The following UBE2E1 variants were observed in gnomAD, a reference collection of about 807,000 sequenced individuals.
UBE2E1 encodes the protein ubiquitin-conjugating enzyme E2 E1.
In UBE2E1, 6 loss-of-function variants were observed where a neutral mutation model predicts 21.4. That is an observed-to-expected ratio of 0.28 (90% CI 0.15 to 0.55). UBE2E1 has a LOEUF of 0.55. Ranked by LOEUF, UBE2E1 falls within the 20% of genes least tolerant of loss-of-function variation. The pLI, the probability that UBE2E1 is intolerant of heterozygous loss-of-function variation, is 0.93. For synonymous variants in UBE2E1, 87 were observed against 82.7 expected, an observed-to-expected ratio of 1.05 and a Z score of -0.28; for missense variants, 142 against 236.5, an observed-to-expected ratio of 0.60 and a Z score of 2.62.
Position 23,889,081 on chromosome 3 carries a change from TTAAA to T in UBE2E1, c.337-28_337-25del, listed in dbSNP as rs757885676. On this transcript the variant is annotated intron_variant, in intron 4 of 5. Coordinates refer to ENST00000306627, the MANE Select transcript of UBE2E1 (RefSeq NM_003341.5). ...ATTTAGTAACAAGTTTGTTTGCTGT[TTAAA>T]TATTGTCTGTCACTTGTTTTTTTTA... The T allele has an allele frequency of 5.1e-6, 8 of 1,573,514 alleles. No individual in the cohort carries two copies. In the South Asian group the frequency reaches 5.9e-5, roughly 12 times the overall value.
In UBE2E1 at chr3:23,853,943, C is replaced by T. The variant is rs1393765105; in HGVS notation, c.204-33624C>T. On this transcript the variant is annotated intron_variant, in intron 3 of 5. Transcript: ENST00000306627. The surrounding 1 kb of genome is among the most constrained non-coding windows in gnomAD (Gnocchi z 4.1). ...TTACCCTCCAGTGGTGATAGGCTGA[C>T]CCAAGCCCAGGCCCATCAGAATGCT... 6.6e-6 allele frequency among the ~76,000 whole-genome samples: 1 copy of T among 152,086 alleles called. No individual in the cohort carries two copies. Among genetic ancestry groups the T allele is most frequent in the Non-Finnish European group, 1.5e-5 (1 of 68,022 alleles).
intron 3 of UBE2E1, among the ~76,000 whole-genome samples, chr3:23,841,874 GTA>G (rs992580540): frequency 2.0e-5 from 3 of 152,110 alleles, no homozygotes; most frequent in African/African-American, 7.2e-5. Flanking sequence ...TTTTGTGGAC[GTA>G]TGTTTGGGGG....
intron 3 of UBE2E1, among the ~76,000 whole-genome samples, chr3:23,861,586 C>T (rs1700559032): frequency 7.2e-5 from 11 of 152,160 alleles, no homozygotes; most frequent in Admixed American, 7.2e-4. Flanking sequence ...CTATAAAAAC[C>T]CCAAGACCCT....
rs1482668992 is a variant in UBE2E1, at chr3:23,842,237, GTGTGTGTGT to G, written c.203+30728_203+30736del. Among the ~76,000 whole-genome samples, 59 of 74,496 alleles carry G rather than the reference GTGTGTGTGT, an allele frequency of 7.9e-4. No individual in the cohort carries two copies. Among genetic ancestry groups the G allele is most frequent in the African/African-American group, 2.8e-3 (52 of 18,392 alleles). 48.9% of individuals were successfully genotyped at this position (74,496 alleles called of 152,430 possible). A position where few individuals can be genotyped will look rare whatever the true frequency, so the allele number is the denominator to read the frequency against. On this transcript the variant is annotated intron_variant, in intron 3 of 5. Transcript: ENST00000306627. This position sits in a 1 kb window ranked among gnomAD's most constrained non-coding sequence, Gnocchi z 4.6. ...TGTGTGTGTGTGTGTGTGTGTGTGT[GTGTGTGTGT>G]GTGGTGTTGTTGTTGTTGGCGACAG...
intron 3 of UBE2E1, among the ~76,000 whole-genome samples, chr3:23,850,672 C>A (rs2125306917): frequency 6.7e-6 from 1 of 149,124 alleles, no homozygotes; most frequent in South Asian, 2.1e-4. Flanking sequence ...GCATCCGGCA[C>A]ACCTGATTGT....
chr3:23,861,561 G>A (rs569075171), intron 3 of UBE2E1, among the ~76,000 whole-genome samples: 2 of 152,242 alleles, frequency 1.3e-5, no homozygotes, highest in Admixed American at 6.5e-5. Context: ...GACCCGCCAC[G>A]CCCCCATTCT....
chr3:23,858,110 G>A (rs1021916865), intron 3 of UBE2E1, among the ~76,000 whole-genome samples: 8 of 152,246 alleles, frequency 5.3e-5, no homozygotes, highest in Middle Eastern at 3.4e-3. Context: ...TAAACCTCAG[G>A]CGCTTTCCCT....
rs920172387 is a variant in UBE2E1, at chr3:23,863,534, C to T, written c.204-24033C>T. On this transcript the variant is annotated intron_variant, in intron 3 of 5. Transcript: ENST00000306627. The surrounding 1 kb of genome is among the most constrained non-coding windows in gnomAD (Gnocchi z 4.3). The stretch of plus-strand genomic sequence containing the variant: ...TAGGTTTTATATAAATTTTATTTTA[C>T]TTTTTATTTTTTTGAGACGGAGTTT... Among the ~76,000 whole-genome samples, 3 of 152,032 alleles carry T rather than the reference C, an allele frequency of 2.0e-5. No individual in the cohort carries two copies. The highest frequency in any genetic ancestry group is 7.2e-5 in the African/African-American group (3 of 41,398).
At chr3:23,873,573 C>G (rs1451114710) in intron 3 of UBE2E1, among the ~76,000 whole-genome samples, 1 of 152,160 alleles carries the variant, frequency 6.6e-6, no homozygotes, top group Non-Finnish European at 1.5e-5. Flanking sequence ...TGGTGACACC[C>G]CGTCTCTACT....
In UBE2E1 at chr3:23,885,471, C is replaced by T. The variant is rs576831022; in HGVS notation, c.204-2096C>T. ...GAGGGCTGATTAAGAGCTCTCCCTA[C>T]ATTCCACCTTGTGAAAATTGCCATC... On this transcript the variant is annotated intron_variant, in intron 3 of 5. Transcript: ENST00000306627. Among the ~76,000 whole-genome samples, 11 of 152,330 alleles carry T rather than the reference C, an allele frequency of 7.2e-5. No individual in the cohort carries two copies. In the South Asian group the frequency reaches 8.3e-4, roughly 11 times the overall value.
At chr3:23,883,355 C>T (rs193249777) in intron 3 of UBE2E1, among the ~76,000 whole-genome samples, 3 of 152,210 alleles carry the variant, frequency 2.0e-5, no homozygotes, top group Admixed American at 2.0e-4. Flanking sequence ...GCTTGAACAG[C>T]CTCAAGTAAA....
Position 23,836,312 on chromosome 3 carries a change from G to A in UBE2E1, c.203+24802G>A, listed in dbSNP as rs1020166217. Among the ~76,000 whole-genome samples the A allele has an allele frequency of 1.3e-5, 2 of 152,182 alleles. No individual in the cohort carries two copies. Among genetic ancestry groups the A allele is most frequent in the African/African-American group, 4.8e-5 (2 of 41,428 alleles). On this transcript the variant is annotated intron_variant, in intron 3 of 5. Coordinates refer to ENST00000306627, the MANE Select transcript of UBE2E1 (RefSeq NM_003341.5). The surrounding 1 kb of genome is among the most constrained non-coding windows in gnomAD (Gnocchi z 4.1). ...ATTTAGAATGCTATATAAAAAAAGAGTTTCTCTTTTCACTTAGTCCTCACA... is the reference window on the plus strand; with the variant it reads ...ATTTAGAATGCTATATAAAAAAAGAATTTCTCTTTTCACTTAGTCCTCACA...
chr3:23,873,289 T>C (rs942657493), intron 3 of UBE2E1, among the ~76,000 whole-genome samples: 3 of 152,196 alleles, frequency 2.0e-5, no homozygotes, highest in African/African-American at 7.2e-5. Context: ...GCCTAGTTTT[T>C]CCCTGATGAT....
intron 3 of UBE2E1, among the ~76,000 whole-genome samples, chr3:23,819,726 A>G (rs1452693118): frequency 6.6e-6 from 1 of 152,184 alleles, no homozygotes; most frequent in Admixed American, 6.5e-5. Flanking sequence ...TTGCTGTCAC[A>G]TTTTACAGCT....
At chr3:23,813,017 A>G (rs1209529123) in intron 3 of UBE2E1, among the ~76,000 whole-genome samples, 1 of 151,792 alleles carries the variant, frequency 6.6e-6, no homozygotes, top group African/African-American at 2.4e-5. Context: ...CAGTGTAAGT[A>G]CACTTCAGTT....
intron 3 of UBE2E1, among the ~76,000 whole-genome samples, chr3:23,837,568 C>T (rs34953164): frequency 0.11 from 16,676 of 152,192 alleles, 1,215 homozygotes; most frequent in South Asian, 0.21. Context: ...TTATTTTTAG[C>T]CATTGGCTGA....
Position 23,891,486 on chromosome 3 carries a change from C to A in UBE2E1, c.*880C>A, listed in dbSNP as rs2125338994. ...TTTACACAGCTGTAGATGAGGTATC[C>A]TAGAAAAGGTTAAATAATCTACCCC... On this transcript the variant is annotated 3_prime_UTR_variant, in exon 6 of 6. Transcript: ENST00000306627. Among the ~76,000 whole-genome samples, 1 of 152,196 alleles carries A rather than the reference C, an allele frequency of 6.6e-6. No individual in the cohort carries two copies. Among genetic ancestry groups the A allele is most frequent in the East Asian group, 1.9e-4 (1 of 5,180 alleles).
intron 3 of UBE2E1, among the ~76,000 whole-genome samples, chr3:23,872,145 C>T (rs1477992857): frequency 2.0e-5 from 3 of 152,168 alleles, no homozygotes; most frequent in Non-Finnish European, 4.4e-5. Context: ...CCGAGGCTGA[C>T]AAATCACTCG....
intron 3 of UBE2E1, among the ~76,000 whole-genome samples, chr3:23,855,345 C>A (rs1405324109): frequency 2.0e-5 from 3 of 151,924 alleles, no homozygotes; most frequent in Non-Finnish European, 4.4e-5. Flanking sequence ...CATTATAATA[C>A]CTTCATTAGT....
Sources: gnomAD v4.1 joint callset for allele counts (sites outside exome capture counted in the v4.1 genomes callset) on GRCh38, gnomAD v4.1.1 for gene constraint, Gnocchi (gnomAD v3.1) non-coding constraint, MANE v1.5 for transcripts, NCBI Gene and HGNC (gene_info 2026-07-23, HGNC 2026-07-21) for gene names.